Variants in RASGRF1 observed in about 807,000 individuals in gnomAD.
RASGRF1 encodes Ras protein specific guanine nucleotide releasing factor 1, also known as ras-specific guanine nucleotide-releasing factor 1.
Under a neutral mutation model 138.7 loss-of-function variants are expected in RASGRF1, and 40 were observed. The observed-to-expected ratio is 0.29, with a 90% confidence interval of 0.22 to 0.38. The LOEUF (loss-of-function observed/expected upper bound fraction) is 0.38, where lower values mean the gene tolerates loss of function less well. Among genes scored for constraint, RASGRF1 ranks in the 10% least tolerant of loss-of-function variants. RASGRF1 has a pLI of 1.00. For missense variants in RASGRF1, 1,108 were observed against 1,650.4 expected (o/e 0.67, Z 5.69); for synonymous variants, 614 against 663.2 (o/e 0.93, Z 1.14).
intron 13 of RASGRF1, 74 bp downstream of exon 13, chr15:79,015,253 G>C: frequency 6.9e-7 from 1 of 1,446,876 alleles, no homozygotes; most frequent in Non-Finnish European, 9.7e-7. Context: ...GCTCATCCCA[G>C]TGTCCTGGCT....
intron 22 of RASGRF1, among the ~76,000 whole-genome samples, chr15:78,987,497 A>G (rs921305627): frequency 6.6e-6 from 1 of 152,064 alleles, no homozygotes; most frequent in Non-Finnish European, 1.5e-5. Flanking sequence ...GGAGTTTGAG[A>G]CCAGCCTGGG....
chr15:78,962,385 A>G (rs2055563613), intron 26 of RASGRF1, 149 bp from the exon 27 acceptor site: 4 of 591,274 alleles, frequency 6.8e-6, no homozygotes, highest in Non-Finnish European at 9.0e-6. Context: ...GTAGTGTTCC[A>G]TCTTGACATA....
chr15:79,017,059 T>G (rs74027007), intron 12 of RASGRF1, among the ~76,000 whole-genome samples: 6,086 of 152,296 alleles, frequency 0.04, 346 homozygotes, highest in African/African-American at 0.13. Flanking sequence ...GAGGGGCCTG[T>G]CCTGGGGCCT....
At chr15:78,987,095 T>C (rs937625544) in intron 22 of RASGRF1, among the ~76,000 whole-genome samples, 7 of 152,188 alleles carry the variant, frequency 4.6e-5, no homozygotes, top group Non-Finnish European at 1.0e-4. Context: ...AGATGGATAA[T>C]ATAAGAAAGG....
intron 26 of RASGRF1, among the ~76,000 whole-genome samples, chr15:78,964,590 C>T (rs185436857): frequency 3.3e-5 from 5 of 152,326 alleles, no homozygotes; most frequent in East Asian, 3.9e-4. Flanking sequence ...AGTGTGACCA[C>T]GGTGCCTTCT....
chr15:79,022,825 GGGCCA>G (rs1315373466), intron 10 of RASGRF1, among the ~76,000 whole-genome samples: 5 of 152,168 alleles, frequency 3.3e-5, no homozygotes, highest in Non-Finnish European at 7.4e-5. Context: ...AGGAGGTTAT[GGGCCA>G]GGCATCCAGG....
In RASGRF1 at chr15:78,971,946, A is replaced by G; in HGVS notation, c.3613-12T>C. Reference sequence around the variant, plus strand: ...ATAATATGGGATATCTGTGGGAAGGAAGGAGTGTTTCAGAATGCAGTTTGC... The same window carrying G: ...ATAATATGGGATATCTGTGGGAAGGGAGGAGTGTTTCAGAATGCAGTTTGC... On this transcript the variant is annotated splice_polypyrimidine_tract_variant and intron_variant, in intron 25 of 26. Transcript: ENST00000558480. The G allele has an allele frequency of 6.4e-7, 1 of 1,568,300 alleles. No individual in the cohort carries two copies. Among genetic ancestry groups the G allele is most frequent in the South Asian group, 1.1e-5 (1 of 90,072 alleles).
At chr15:78,974,613 C>T (rs938902025) in intron 24 of RASGRF1, among the ~76,000 whole-genome samples, 7 of 152,296 alleles carry the variant, frequency 4.6e-5, no homozygotes, top group African/African-American at 1.2e-4. Flanking sequence ...TGGTAAGAAA[C>T]ATTGGATTTT....
Position 79,019,892 on chromosome 15 carries a change from T to C in RASGRF1, c.1606+149A>G, listed in dbSNP as rs765052500. 4 of 847,156 alleles carry C rather than the reference T, an allele frequency of 4.7e-6. 1 individual carries two copies. The Admixed American group carries it at 8.9e-5, about 19-fold the overall frequency. The allele number at this position is 847,156 out of a possible 1,614,324, so 52.5% of individuals were successfully genotyped here. The stretch of plus-strand genomic sequence containing the variant: ...GCTGTAGCAGGGACTGAACAGGGTG[T>C]GTGCATGAGGGCATGTGTGGACCTC... On this transcript the variant is annotated intron_variant, in intron 11 of 26. Transcript: ENST00000558480.
intron 13 of RASGRF1, chr15:79,012,454 C>T: frequency 7.1e-7 from 1 of 1,406,364 alleles, no homozygotes. Context: ...CTCTCTCTCA[C>T]TAAACGATGA....
At chr15:79,048,310 A>G (rs2057382545) in intron 4 of RASGRF1, among the ~76,000 whole-genome samples, 2 of 152,020 alleles carry the variant, frequency 1.3e-5, no homozygotes, top group African/African-American at 4.8e-5. Flanking sequence ...GGCTGCTGTT[A>G]TGTGCAGGAG....
At chr15:78,964,927 A>C (rs914342849) in intron 26 of RASGRF1, among the ~76,000 whole-genome samples, 3 of 152,084 alleles carry the variant, frequency 2.0e-5, no homozygotes, top group Non-Finnish European at 4.4e-5. Flanking sequence ...CATGTTGGCC[A>C]GGCTGGTTGA....
At chr15:78,965,577 G>T (rs115774568) in intron 26 of RASGRF1, among the ~76,000 whole-genome samples, 2,108 of 152,244 alleles carry the variant, frequency 0.014, 58 homozygotes, top group African/African-American at 0.047. Context: ...CCAGCCAGGC[G>T]CAGTGGCTTA....
At chr15:78,967,283 T>C (rs964894343) in intron 26 of RASGRF1, among the ~76,000 whole-genome samples, 1 of 151,276 alleles carries the variant, frequency 6.6e-6, no homozygotes, top group African/African-American at 2.4e-5. Flanking sequence ...CAGTGGCTCA[T>C]TCCTGTAATC....
intron 1 of RASGRF1, among the ~76,000 whole-genome samples, chr15:79,085,829 A>T (rs533462246): frequency 2.0e-4 from 30 of 152,154 alleles, no homozygotes; most frequent in Non-Finnish European, 3.8e-4. Flanking sequence ...TGTCTGAAGG[A>T]CCTACCACAG....
chr15:78,996,759 T>C (rs4778768), intron 19 of RASGRF1, among the ~76,000 whole-genome samples: 18,694 of 152,208 alleles, frequency 0.12, 1,259 homozygotes, highest in Admixed American at 0.15. Flanking sequence ...TGTGGGCATG[T>C]GTGCACACAC....
chr15:78,996,994 G>T (rs1017522934), intron 19 of RASGRF1, among the ~76,000 whole-genome samples: 1 of 152,240 alleles, frequency 6.6e-6, no homozygotes, highest in Non-Finnish European at 1.5e-5. Flanking sequence ...GCTGGGCTGG[G>T]AGCAGACAGG....
At chr15:79,025,554 C>T (rs1478700003) in intron 9 of RASGRF1, 80 bp from the exon 10 acceptor site, 15 of 1,493,462 alleles carry the variant, frequency 1.0e-5, no homozygotes, top group Non-Finnish European at 1.3e-5. Flanking sequence ...GGTTGAGATG[C>T]TGGGGCAGCA....
Position 79,032,057 on chromosome 15 carries a change from C to T in RASGRF1, c.1152+66G>A, listed in dbSNP as rs1486990292. On this transcript the variant is annotated intron_variant, in intron 7 of 26. Transcript: ENST00000558480. This position sits in a 1 kb window ranked among gnomAD's most constrained non-coding sequence, Gnocchi z 4.5. ...GGTGCGTTAAGCACTGTGCCCCCAC[C>T]GCCATGGTCCATCCCCCACACCTGC... The T allele has an allele frequency of 1.7e-5, 26 of 1,531,128 alleles. No homozygotes were observed. The highest frequency in any genetic ancestry group is 1.0e-4 in the South Asian group (8 of 79,658). 94.8% of individuals were successfully genotyped at this position (1,531,128 alleles called of 1,614,324 possible). A position where few individuals can be genotyped will look rare whatever the true frequency, so the allele number is the denominator to read the frequency against.
Sources: gnomAD v4.1 joint callset for allele counts (sites outside exome capture counted in the v4.1 genomes callset) on GRCh38, gnomAD v4.1.1 for gene constraint, Gnocchi (gnomAD v3.1) non-coding constraint, MANE v1.5 for transcripts, NCBI Gene and HGNC (gene_info 2026-07-23, HGNC 2026-07-21) for gene names.